XPOT: variants seen among roughly 807,000 people sequenced by gnomAD.
XPOT encodes the protein exportin for tRNA.
XPOT carries 34 observed loss-of-function variants against 128.2 expected under a neutral mutation model. The ratio of observed to expected loss-of-function variants is 0.27; its 90% confidence interval spans 0.20 to 0.35. The LOEUF is 0.35. Among genes scored for constraint, XPOT ranks in the 10% least tolerant of loss-of-function variants. The pLI, the probability that XPOT is intolerant of heterozygous loss-of-function variation, is 1.00. For synonymous variants in XPOT, 348 were observed against 394.3 expected (o/e 0.88, Z 1.39); for missense variants, 838 against 1,125.3 (o/e 0.74, Z 3.65).
chr12:64,410,230 A>G (rs1280870937), intron 2 of XPOT, 135 bp downstream of exon 2: 1 of 701,176 alleles, frequency 1.4e-6, no homozygotes, highest in African/African-American at 1.8e-5. Context: ...AGGTATTTGA[A>G]TATATTTTGA....
chr12:64,421,199 C>T (rs757336494), intron 8 of XPOT, 36 bp from the exon 9 acceptor site: 61 of 1,475,092 alleles, frequency 4.1e-5, no homozygotes, highest in Non-Finnish European at 5.4e-5. Flanking sequence ...CTTGGGCAGG[C>T]AGTTTTAAAC....
chr12:64,428,142 A>G (rs769880297), intron 16 of XPOT, 22 bp downstream of exon 16: 13 of 1,485,048 alleles, frequency 8.8e-6, no homozygotes, highest in Middle Eastern at 1.7e-4. Flanking sequence ...TCTCTTTAAG[A>G]TATTTTACCC....
intron 24 of XPOT, among the ~76,000 whole-genome samples, chr12:64,447,242 A>C (rs532205670): frequency 1.3e-5 from 2 of 152,304 alleles, no homozygotes; most frequent in South Asian, 4.1e-4. Flanking sequence ...GCGTGGGGAC[A>C]CAGGGTCAAA....
Position 64,450,156 on chromosome 12 carries a change from T to A in XPOT, c.*2025T>A, listed in dbSNP as rs2040398734. ...GAATTAATAGTGTATCACTATACTT[T>A]TTTTTTCTTTTTTTTTTTTGAATAG... On this transcript the variant is annotated 3_prime_UTR_variant, in exon 25 of 25. Coordinates refer to ENST00000332707, the MANE Select transcript of XPOT (RefSeq NM_007235.6). The A allele has an allele frequency of 6.6e-6, 1 of 152,012 alleles. No homozygotes were observed. The highest frequency in any genetic ancestry group is 6.6e-5 in the Admixed American group (1 of 15,240). 9.4% of individuals were successfully genotyped at this position (152,012 alleles called of 1,614,324 possible). A position where few individuals can be genotyped will look rare whatever the true frequency, so the allele number is the denominator to read the frequency against.
intron 16 of XPOT, among the ~76,000 whole-genome samples, chr12:64,428,684 T>C (rs2040212753): frequency 2.0e-5 from 3 of 152,132 alleles, no homozygotes; most frequent in Middle Eastern, 3.2e-3. Flanking sequence ...ATCTTAAAAA[T>C]ATAATCCTGG....
At chr12:64,422,959 G>A in intron 9 of XPOT, 46 bp from the exon 10 acceptor site, 2 of 1,578,344 alleles carry the variant, frequency 1.3e-6, no homozygotes, top group South Asian at 2.3e-5. Context: ...TGATATGCAG[G>A]TATAACTTTA....
At chr12:64,438,718 G>A (rs2040302270) in intron 22 of XPOT, among the ~76,000 whole-genome samples, 1 of 151,364 alleles carries the variant, frequency 6.6e-6, no homozygotes, top group Admixed American at 6.6e-5. Flanking sequence ...GCCTGCGCCT[G>A]CCAGTTTCAA....
intron 19 of XPOT, among the ~76,000 whole-genome samples, 170 bp from the exon 20 acceptor site, chr12:64,434,337 A>C (rs1224789498): frequency 2.0e-5 from 3 of 152,212 alleles, no homozygotes; most frequent in African/African-American, 7.2e-5. Flanking sequence ...GTGCCCAGTT[A>C]ATAAAAATCA....
chr12:64,409,496 G>A (rs1277055600), intron 1 of XPOT, among the ~76,000 whole-genome samples: 1 of 152,222 alleles, frequency 6.6e-6, no homozygotes, highest in Non-Finnish European at 1.5e-5. Context: ...AGCACTTTGG[G>A]AGGCCAAGGC....
intron 15 of XPOT, among the ~76,000 whole-genome samples, chr12:64,427,471 TCAATAGTAAAA>T (rs2040202567): frequency 6.6e-6 from 1 of 151,972 alleles, no homozygotes; most frequent in African/African-American, 2.4e-5. Flanking sequence ...AGTACTTAGT[TCAATAGTAAAA>T]GTTTTCATTG....
intron 18 of XPOT, 59 bp downstream of exon 18, chr12:64,431,882 G>T: frequency 6.5e-7 from 1 of 1,533,646 alleles, no homozygotes; most frequent in Non-Finnish European, 8.8e-7. Context: ...TTTATCTTCA[G>T]ACATGTTTCG....
rs2040387765 is a variant in XPOT, at chr12:64,449,034, A to G, written c.*903A>G. The G allele has an allele frequency of 6.6e-6, 1 of 152,120 alleles. No individual in the cohort carries two copies. The highest frequency in any genetic ancestry group is 2.1e-4 in the South Asian group (1 of 4,812). The allele number at this position is 152,120 out of a possible 1,614,324, so 9.4% of individuals were successfully genotyped here. On this transcript the variant is annotated 3_prime_UTR_variant, in exon 25 of 25. Coordinates refer to ENST00000332707, the MANE Select transcript of XPOT (RefSeq NM_007235.6). ...GCCAACATGGTGAAACCCCATCTCTACTAAAAATACAACAGCCAGGTGTGA... is the reference window on the plus strand; with the variant it reads ...GCCAACATGGTGAAACCCCATCTCTGCTAAAAATACAACAGCCAGGTGTGA...
At chr12:64,437,797 G>T (rs113584764) in intron 22 of XPOT, among the ~76,000 whole-genome samples, 2,034 of 152,236 alleles carry the variant, frequency 0.013, 37 homozygotes, top group African/African-American at 0.046. Flanking sequence ...TTTGGCTCAA[G>T]CAAGAGTCAA....
intron 3 of XPOT, among the ~76,000 whole-genome samples, chr12:64,416,146 C>T (rs1300416169): frequency 6.6e-6 from 1 of 152,176 alleles, no homozygotes; most frequent in African/African-American, 2.4e-5. Flanking sequence ...GACTTTTGCC[C>T]CCATCTTGTA....
At chr12:64,410,204 G>A in intron 2 of XPOT, 109 bp downstream of exon 2, 5 of 933,472 alleles carry the variant, frequency 5.4e-6, no homozygotes, top group African/African-American at 3.3e-5. Flanking sequence ...GAAATGAACA[G>A]AAACAAAAAA....
Position 64,414,987 on chromosome 12 carries a change from C to T in XPOT, c.141C>T (p.Tyr47=). 6.2e-7 allele frequency: 1 copy of T among 1,607,348 alleles called. No homozygotes were observed. Among genetic ancestry groups the T allele is most frequent in the Non-Finnish European group, 8.5e-7 (1 of 1,174,890 alleles). The change falls in exon 3 of 25, where the codon TAC becomes TAT. Residue 47 remains tyrosine (Y), a splice_region_variant and synonymous_variant. Coordinates refer to ENST00000332707, the MANE Select transcript of XPOT (RefSeq NM_007235.6). ...VCAEALAQRT[Y]SDDHVKFFCF... is the part of the protein sequence containing the mutation. ...CAGAAGCTCTAGCCCAGAGGACATA[C>T]AGGTAATTAAAAACAAAATTTGCAT...
At position 64,420,156 on chromosome 12, in the gene XPOT, A is replaced by G; in HGVS notation, c.576A>G (p.Gln192=). 1 of 1,612,882 alleles carries G rather than the reference A, an allele frequency of 6.2e-7. No homozygotes were observed. The highest frequency in any genetic ancestry group is 8.5e-7 in the Non-Finnish European group (1 of 1,179,544). The stretch of plus-strand genomic sequence containing the variant: ...TGGAATCATGGTACCAAATATTACA[A>G]AATTATCAGTTTACTAATTCTGAAG... ...NLVESWYQIL[Q]NYQFTNSEVT... The change falls in exon 7 of 25, where the codon CAA becomes CAG. Residue 192 remains glutamine (Q), a synonymous_variant. Coordinates refer to ENST00000332707, the MANE Select transcript of XPOT (RefSeq NM_007235.6).
chr12:64,426,496 C>T (rs1043870923), intron 15 of XPOT, among the ~76,000 whole-genome samples: 8 of 151,954 alleles, frequency 5.3e-5, no homozygotes, highest in African/African-American at 1.9e-4. Flanking sequence ...ATCTTGGGTA[C>T]ACACAGATAT....
Position 64,434,914 on chromosome 12 carries a change from G to A in XPOT, c.2685+5G>A. 6.2e-7 allele frequency: 1 copy of A among 1,609,208 alleles called. No individual in the cohort carries two copies. Among genetic ancestry groups the A allele is most frequent in the Non-Finnish European group, 8.5e-7 (1 of 1,177,244 alleles). ...GCAGATGCACAAACAGTATTGGTAA[G>A]CACCTAGGAATCTTTGTTTACCTTG... On this transcript the variant is annotated splice_donor_5th_base_variant and intron_variant, in intron 21 of 24. Transcript: ENST00000332707.
Sources: allele counts gnomAD v4.1 joint callset (sites outside exome capture counted in the v4.1 genomes callset), GRCh38; gene constraint gnomAD v4.1.1; transcripts MANE v1.5; gene names NCBI Gene and HGNC (gene_info 2026-07-23, HGNC 2026-07-21).